Variants in AGBL1 observed in about 807,000 individuals in gnomAD.
AGBL1 encodes cytosolic carboxypeptidase 4.
A neutral mutation model predicts 118.9 loss-of-function variants in AGBL1; 130 were observed. The ratio of observed to expected loss-of-function variants is 1.09; its 90% CI spans 0.95 to 1.26. The LOEUF (loss-of-function observed/expected upper bound fraction) is 1.26. Ranked by LOEUF, AGBL1 falls within the 50% of genes most tolerant of loss-of-function variation. The pLI is 0.00. For missense variants in AGBL1, 1,584 were observed against 1,298.1 expected (o/e 1.22, Z -3.38); for synonymous variants, 555 against 478.9 (o/e 1.16, Z -2.08).
At chr15:86,216,021 G>A (rs769443029) in intron 5 of AGBL1, among the ~76,000 whole-genome samples, 7 of 152,160 alleles carry the variant, frequency 4.6e-5, no homozygotes, top group Non-Finnish European at 8.8e-5. Context: ...GCTAAGATTA[G>A]TGGGATTTAA....
chr15:86,469,561 T>A (rs1182588150), intron 18 of AGBL1, among the ~76,000 whole-genome samples: 1 of 152,152 alleles, frequency 6.6e-6, no homozygotes, highest in Non-Finnish European at 1.5e-5. Flanking sequence ...AGAGATCTCT[T>A]GGACATACTG....
chr15:86,651,793 T>C (rs560945137), intron 21 of AGBL1, among the ~76,000 whole-genome samples: 1 of 152,264 alleles, frequency 6.6e-6, no homozygotes, highest in African/African-American at 2.4e-5. Context: ...TAACACTGAG[T>C]TCAGTTGACT....
intron 23 of AGBL1, among the ~76,000 whole-genome samples, chr15:86,960,046 A>T (rs953174797): frequency 2.0e-5 from 3 of 152,112 alleles, no homozygotes; most frequent in South Asian, 2.1e-4. Flanking sequence ...AATATTTTTT[A>T]AATAATTCAA....
chr15:86,538,743 C>G (rs931605470), intron 19 of AGBL1, among the ~76,000 whole-genome samples: 7 of 152,196 alleles, frequency 4.6e-5, no homozygotes, highest in Non-Finnish European at 8.8e-5. Context: ...ACCCAGATGT[C>G]AGAATGGAAA....
intron 5 of AGBL1, among the ~76,000 whole-genome samples, chr15:86,198,519 T>G (rs1416955635): frequency 6.6e-6 from 1 of 152,222 alleles, no homozygotes; most frequent in Non-Finnish European, 1.5e-5. Flanking sequence ...TGAGTCCCCC[T>G]GAAATTCATA....
rs116724115 is a variant in AGBL1 at position 86,657,581 on chromosome 15, C to T, written c.2995-16692C>T. ...GACTCACAGTGGGATATAAAAATGC[C>T]GGAGAAAGATTTGGTGTTATTGCTA... On this transcript the variant is annotated intron_variant, in intron 21 of 22. Coordinates refer to ENST00000614907, the MANE Select transcript of AGBL1 (RefSeq NM_001386094.1). Among the ~76,000 whole-genome samples, 776 of 152,190 alleles carry T rather than the reference C, an allele frequency of 5.1e-3. 4 individuals carry two copies. Among genetic ancestry groups the T allele is most frequent in the African/African-American group, 0.014 (579 of 41,526 alleles).
intron 22 of AGBL1, among the ~76,000 whole-genome samples, chr15:86,866,627 G>C (rs2079633878): frequency 1.3e-5 from 2 of 152,202 alleles, no homozygotes; most frequent in Admixed American, 6.5e-5. Flanking sequence ...GCTGAGGAAG[G>C]CAGATCACTT....
intron 1 of AGBL1, chr15:86,140,056 C>G (rs1351352359): frequency 5.3e-6 from 1 of 189,234 alleles, no homozygotes; most frequent in African/African-American, 2.3e-5. Context: ...TGACAGCGCC[C>G]CTGGTGGTCA....
In AGBL1 at chr15:86,911,595, G is replaced by C. The variant is rs779776516; in HGVS notation, c.*4301G>C. On this transcript the variant is annotated 3_prime_UTR_variant, in exon 23 of 23. Transcript: ENST00000614907. ...TTTCTCTCTCATCGCACTTATGCTT[G>C]TGAGTGTCTACACACATATGCACAT... 1.3e-5 allele frequency: 2 copies of C among 152,082 alleles called. No homozygotes were observed. The highest frequency in any genetic ancestry group is 2.9e-5 in the Non-Finnish European group (2 of 68,034). The allele number at this position is 152,082 out of a possible 1,614,324, so 9.4% of individuals were successfully genotyped here.
At chr15:86,918,802 A>G (rs143095599), downstream of AGBL1, among the ~76,000 whole-genome samples, 849 of 152,326 alleles carry the variant, frequency 5.6e-3, 11 homozygotes, top group African/African-American at 0.019. Flanking sequence ...ATTTTTAAAG[A>G]TGAACAACAT....
At chr15:86,473,236 G>A (rs1422783701) in intron 18 of AGBL1, among the ~76,000 whole-genome samples, 2 of 152,196 alleles carry the variant, frequency 1.3e-5, no homozygotes, top group Non-Finnish European at 2.9e-5. Context: ...CCCTGATCCA[G>A]TCTAGATGGC....
chr15:86,584,725 A>T (rs767461982), intron 21 of AGBL1, among the ~76,000 whole-genome samples: 5 of 152,054 alleles, frequency 3.3e-5, no homozygotes, highest in Non-Finnish European at 5.9e-5. Context: ...GAAAAATGAT[A>T]TTGGTAGTTT....
chr15:86,593,604 C>A (rs185985514), intron 21 of AGBL1, among the ~76,000 whole-genome samples: 1 of 152,164 alleles, frequency 6.6e-6, no homozygotes, highest in Non-Finnish European at 1.5e-5. Context: ...ATATCAACTT[C>A]GCTGGCATAT....
rs1238410700 is a variant in AGBL1 at position 86,908,527 on chromosome 15, G to T, written c.*1233G>T. Reference sequence around the variant, plus strand: ...TGTCTCAAACAACAACAACAACAACGACGACAAACCCAGAATCCAGAATTC... The same window carrying T: ...TGTCTCAAACAACAACAACAACAACTACGACAAACCCAGAATCCAGAATTC... On this transcript the variant is annotated 3_prime_UTR_variant, in exon 23 of 23. Coordinates refer to ENST00000614907, the MANE Select transcript of AGBL1 (RefSeq NM_001386094.1). 1.3e-5 allele frequency: 2 copies of T among 152,028 alleles called. No homozygotes were observed. Among genetic ancestry groups the T allele is most frequent in the East Asian group, 1.9e-4 (1 of 5,172 alleles). 9.4% of individuals were successfully genotyped at this position (152,028 alleles called of 1,614,324 possible).
At chr15:86,953,153 C>CT (rs1348175967) in intron 23 of AGBL1, among the ~76,000 whole-genome samples, 5 of 152,032 alleles carry the variant, frequency 3.3e-5, no homozygotes, top group African/African-American at 4.8e-5. Flanking sequence ...TATTTTGGCT[C>CT]TTTTTTGGTT....
At chr15:86,557,103 T>G (rs1411643099) in intron 21 of AGBL1, among the ~76,000 whole-genome samples, 1 of 152,256 alleles carries the variant, frequency 6.6e-6, no homozygotes, top group Non-Finnish European at 1.5e-5. Context: ...CTTGTTTCTT[T>G]GGGATACAGT....
chr15:86,454,543 T>C (rs763627813), intron 18 of AGBL1, among the ~76,000 whole-genome samples: 5 of 152,130 alleles, frequency 3.3e-5, no homozygotes, highest in Non-Finnish European at 7.4e-5. Flanking sequence ...GGCAAATCCA[T>C]GCAATGAAAT....
chr15:86,287,715 G>A (rs544783837), intron 16 of AGBL1, among the ~76,000 whole-genome samples: 100 of 152,222 alleles, frequency 6.6e-4, no homozygotes, highest in Admixed American at 2.5e-3. Flanking sequence ...GGACCCATGT[G>A]GTCATAATAA....
intron 22 of AGBL1, among the ~76,000 whole-genome samples, chr15:86,722,748 A>C (rs1406910727): frequency 6.6e-6 from 1 of 152,136 alleles, no homozygotes; most frequent in East Asian, 1.9e-4. Flanking sequence ...AAAGTTTTGC[A>C]ATCTACTCAT....
Sources: gnomAD v4.1 joint callset for allele counts (sites outside exome capture counted in the v4.1 genomes callset) on GRCh38, gnomAD v4.1.1 for gene constraint, MANE v1.5 for transcripts, NCBI Gene and HGNC (gene_info 2026-07-23, HGNC 2026-07-21) for gene names.